Variants in GALNT13 observed in about 807,000 individuals in gnomAD.
GALNT13 encodes the protein UDP-GalNAc:polypeptide N-acetylgalactosaminyltransferase 13.
A neutral mutation model predicts 64.2 loss-of-function variants in GALNT13; 28 were observed. The ratio of observed to expected loss-of-function variants is 0.44; its 90% confidence interval spans 0.32 to 0.60. The LOEUF (loss-of-function observed/expected upper bound fraction) is 0.60, where lower values mean the gene tolerates loss of function less well. Among genes scored for constraint, GALNT13 ranks in the 20% least tolerant of loss-of-function variants. GALNT13 has a pLI of 0.05. For missense variants in GALNT13, 577 were observed against 669.8 expected, an observed-to-expected ratio of 0.86 and a Z score of 1.53; for synonymous variants, 214 against 224.6, an observed-to-expected ratio of 0.95 and a Z score of 0.42.
At chr2:153,171,203 T>C in the GALNT13 span, among the ~76,000 whole-genome samples, 1 of 152,218 alleles carries the variant, frequency 6.6e-6, no homozygotes, top group Non-Finnish European at 1.5e-5. Context: ...TATAGGCACG[T>C]GATGCACATC....
chr2:154,198,488 T>C (rs1686996220), intron 4 of GALNT13, among the ~76,000 whole-genome samples: 1 of 152,016 alleles, frequency 6.6e-6, no homozygotes, highest in Non-Finnish European at 1.5e-5. Flanking sequence ...GATTGTGTTT[T>C]CAATAGTTAA....
the GALNT13 span, among the ~76,000 whole-genome samples, chr2:153,631,835 T>G: frequency 2.6e-5 from 4 of 152,284 alleles, no homozygotes; most frequent in South Asian, 8.3e-4. Flanking sequence ...GTCAACTTTG[T>G]CTTTTGTTGC....
At chr2:154,320,621 T>C (rs1291469228) in intron 9 of GALNT13, among the ~76,000 whole-genome samples, 1 of 152,132 alleles carries the variant, frequency 6.6e-6, no homozygotes, top group African/African-American at 2.4e-5. Context: ...AGCATAAAAG[T>C]TGTGTTTTAT....
At chr2:153,504,201 T>C in the GALNT13 span, among the ~76,000 whole-genome samples, 1 of 152,236 alleles carries the variant, frequency 6.6e-6, no homozygotes, top group Non-Finnish European at 1.5e-5. Context: ...TGTTGGTGTA[T>C]AGCAGAGCTA....
chr2:153,990,644 G>T (rs1695099768), intron 3 of GALNT13, among the ~76,000 whole-genome samples: 1 of 152,092 alleles, frequency 6.6e-6, no homozygotes. Context: ...GTGGGGCTCT[G>T]TGACTTTGAA....
At chr2:153,353,959 TG>T in the GALNT13 span, among the ~76,000 whole-genome samples, 1 of 152,146 alleles carries the variant, frequency 6.6e-6, no homozygotes, top group African/African-American at 2.4e-5. Context: ...TTCTGGAAAA[TG>T]TAGTAGAAAA....
At chr2:154,387,885 C>T (rs775716650) in intron 9 of GALNT13, among the ~76,000 whole-genome samples, 4 of 152,050 alleles carry the variant, frequency 2.6e-5, no homozygotes, top group Admixed American at 6.6e-5. Flanking sequence ...AGTGAACAAG[C>T]GAGTGCAGAT....
At chr2:153,789,810 G>C in the GALNT13 span, among the ~76,000 whole-genome samples, 2 of 152,072 alleles carry the variant, frequency 1.3e-5, no homozygotes, top group African/African-American at 4.8e-5. Flanking sequence ...ACACCTCTAT[G>C]CACACAAACT....
At chr2:154,139,920 A>G (rs1223629660) in intron 3 of GALNT13, among the ~76,000 whole-genome samples, 18 of 152,180 alleles carry the variant, frequency 1.2e-4, no homozygotes, top group Admixed American at 1.2e-3. Context: ...ATGTAATGGC[A>G]GTAGATATGT....
intron 3 of GALNT13, among the ~76,000 whole-genome samples, chr2:154,136,563 C>T (rs1489937223): frequency 6.6e-6 from 1 of 152,006 alleles, no homozygotes; most frequent in Non-Finnish European, 1.5e-5. Context: ...GTAGATTTAT[C>T]AGTTGTTTTG....
intron 9 of GALNT13, among the ~76,000 whole-genome samples, chr2:154,385,710 A>G (rs1233257445): frequency 2.0e-5 from 3 of 152,018 alleles, no homozygotes; most frequent in South Asian, 2.1e-4. Context: ...CTGTTGTTCC[A>G]GTACTTCCGG....
At position 153,919,835 on chromosome 2, in the gene GALNT13, A is replaced by G. The variant is rs527419209; in HGVS notation, c.-105+18828A>G. ...TAATCTTTACCAGAATTCTATAAGT[A>G]GATATAATTCTTATTGCTATGTTAT... On this transcript the variant is annotated intron_variant, in intron 2 of 12. Coordinates refer to ENST00000392825, the MANE Select transcript of GALNT13 (RefSeq NM_052917.4). 2.0e-4 allele frequency among the ~76,000 whole-genome samples: 31 copies of G among 151,716 alleles called. No individual in the cohort carries two copies. In the South Asian group the frequency reaches 6.4e-3, roughly 31 times the overall value.
In GALNT13 at chr2:154,281,923, C is replaced by T. The variant is rs529125592; in HGVS notation, c.976-19486C>T. Among the ~76,000 whole-genome samples the T allele has an allele frequency of 2.0e-5, 3 of 152,094 alleles. No homozygotes were observed. In the South Asian group the frequency reaches 6.2e-4, roughly 32 times the overall value. The stretch of plus-strand genomic sequence containing the variant: ...AGGCATCCTTTAAAAAAACCTACTT[C>T]AAGGTCAATTTGCTAATTCCTTTAG... On this transcript the variant is annotated intron_variant, in intron 8 of 12. Transcript: ENST00000392825.
chr2:154,048,314 G>GT (rs1422729172), intron 3 of GALNT13, among the ~76,000 whole-genome samples: 1 of 152,120 alleles, frequency 6.6e-6, no homozygotes, highest in Non-Finnish European at 1.5e-5. Context: ...TTACAATTCT[G>GT]TATGAGACTT....
chr2:153,716,048 C>T, the GALNT13 span, among the ~76,000 whole-genome samples: 4 of 152,058 alleles, frequency 2.6e-5, no homozygotes, highest in South Asian at 2.1e-4. Flanking sequence ...GTTTGAGGAT[C>T]GAGAACTAAG....
the GALNT13 span, among the ~76,000 whole-genome samples, chr2:153,862,053 T>G: frequency 6.6e-6 from 1 of 152,240 alleles, no homozygotes; most frequent in Admixed American, 6.5e-5. Context: ...ATGTGTCACA[T>G]GACATATTTA....
the GALNT13 span, among the ~76,000 whole-genome samples, chr2:153,812,794 A>C: frequency 3.9e-5 from 6 of 152,194 alleles, no homozygotes; most frequent in Admixed American, 3.9e-4. Flanking sequence ...TGCTCTCTGC[A>C]TAAATATCCT....
the GALNT13 span, among the ~76,000 whole-genome samples, chr2:153,414,033 C>T: frequency 7.2e-5 from 11 of 152,052 alleles, no homozygotes; most frequent in South Asian, 2.1e-4. Flanking sequence ...ATTTATCTTT[C>T]GGAATAAGCT....
At chr2:153,910,403 T>C (rs1257541275) in intron 2 of GALNT13, among the ~76,000 whole-genome samples, 1 of 152,156 alleles carries the variant, frequency 6.6e-6, no homozygotes, top group Non-Finnish European at 1.5e-5. Context: ...TTCATTGATC[T>C]TTTGAATGGT....
Sources: allele counts gnomAD v4.1 joint callset (sites outside exome capture counted in the v4.1 genomes callset), GRCh38; gene constraint gnomAD v4.1.1; transcripts MANE v1.5; gene names NCBI Gene and HGNC (gene_info 2026-07-23, HGNC 2026-07-21).